DIP2C: variants seen among roughly 807,000 people sequenced by gnomAD.
DIP2C encodes DIP2 acetate--CoA ligase C (putative).
In DIP2C, 33 loss-of-function variants were observed where a neutral mutation model predicts 192.4. The ratio of observed to expected loss-of-function variants is 0.17; its 90% CI spans 0.13 to 0.23. The LOEUF is 0.23. DIP2C is among the 10% of genes least tolerant of loss of function. DIP2C has a pLI of 1.00. For synonymous variants in DIP2C, 979 were observed against 864.1 expected (o/e 1.13, Z -2.33); for missense variants, 1,537 against 2,110.1 (o/e 0.73, Z 5.32).
intron 1 of DIP2C, among the ~76,000 whole-genome samples, chr10:589,525 CT>C (rs1358125459): frequency 1.3e-5 from 2 of 152,170 alleles, no homozygotes; most frequent in East Asian, 3.8e-4. Flanking sequence ...TGTTTTCACT[CT>C]TTTGCATATG....
Position 671,472 on chromosome 10 carries a change from C to A in DIP2C, c.85+18022G>T, listed in dbSNP as rs186216888. Among the ~76,000 whole-genome samples, 10 of 106,750 alleles carry A rather than the reference C, an allele frequency of 9.4e-5. 1 individual carries two copies. Among genetic ancestry groups the A allele is most frequent in the Non-Finnish European group, 1.5e-4 (8 of 53,934 alleles). 70.0% of individuals were successfully genotyped at this position (106,750 alleles called of 152,430 possible). On this transcript the variant is annotated intron_variant, in intron 1 of 36. Transcript: ENST00000280886. ...AGGAAACAGACCACAGGCGCACGGA[C>A]GGAGGAAACGCCACAGACGCACGGA... is the stretch of plus-strand genomic sequence containing the variant.
chr10:605,234 A>G lies in DIP2C; in HGVS notation c.85+84260T>C, dbSNP rs1852379324. On this transcript the variant is annotated intron_variant, in intron 1 of 36. Coordinates refer to ENST00000280886, the MANE Select transcript of DIP2C (RefSeq NM_014974.3). The stretch of plus-strand genomic sequence containing the variant: ...ATGAAAGCAACGTGTTCCTTTTAAA[A>G]TGGGGAACGGGGGCAGCAGAACTGA... Among the ~76,000 whole-genome samples, 2 of 152,198 alleles carry G rather than the reference A, an allele frequency of 1.3e-5. 1 individual carries two copies. Among genetic ancestry groups the G allele is most frequent in the South Asian group, 4.1e-4 (2 of 4,828 alleles).
rs1200130665 is a variant in DIP2C at position 390,091 on chromosome 10, G to A, written c.1497C>T (p.Tyr499=). Residue 499 remains tyrosine (Y), a splice_region_variant and synonymous_variant, in exon 13 of 37, where the codon TAC becomes TAT. Transcript: ENST00000280886. The stretch of plus-strand genomic sequence containing the variant: ...GCACACTGCCATCCTTACACGTCTT[G>A]TACTGAAACGAGACAAAGCGTGAGG... ...DANNDTAYIE[Y]KTCKDGSVLG... The A allele has an allele frequency of 1.9e-6, 3 of 1,613,626 alleles. No homozygotes were observed. In the South Asian group the frequency reaches 3.3e-5, roughly 18 times the overall value.
chr10:671,917 G>T lies in DIP2C; in HGVS notation c.85+17577C>A, dbSNP rs186399709. ...CACGGACGGAGGAAAAGCCACAGAC[G>T]CACGGAAGGAGGAAACAGGCCACAG... On this transcript the variant is annotated intron_variant, in intron 1 of 36. Coordinates refer to ENST00000280886, the MANE Select transcript of DIP2C (RefSeq NM_014974.3). Among the ~76,000 whole-genome samples, 1,131 of 117,228 alleles carry T rather than the reference G, an allele frequency of 9.6e-3. 17 individuals carry two copies. The highest frequency in any genetic ancestry group is 0.037 in the African/African-American group (1,067 of 28,802). The allele number at this position is 117,228 out of a possible 152,430, so 76.9% of individuals were successfully genotyped here. A position where few individuals can be genotyped will look rare whatever the true frequency, so the allele number is the denominator to read the frequency against.
intron 17 of DIP2C, among the ~76,000 whole-genome samples, chr10:374,972 G>A (rs894067773): frequency 2.2e-4 from 33 of 152,324 alleles, no homozygotes; most frequent in Non-Finnish European, 8.8e-5. Context: ...TGAAGAATAT[G>A]GATTCCAGGA....
intron 1 of DIP2C, among the ~76,000 whole-genome samples, chr10:680,786 C>T (rs1238759392): frequency 6.6e-6 from 1 of 152,254 alleles, no homozygotes; most frequent in Non-Finnish European, 1.5e-5. Flanking sequence ...AAGTCAAGAA[C>T]TGCCGCTCTG....
rs1954521274 is a variant in DIP2C, at chr10:276,412, T to C, written c.*913A>G. On this transcript the variant is annotated 3_prime_UTR_variant, in exon 37 of 37. Coordinates refer to ENST00000280886, the MANE Select transcript of DIP2C (RefSeq NM_014974.3). ...CACCATGCAAGTGACAAGTTCTGCA[T>C]CTTAAACTTTAAAATCTCCTTTGTT... 1 of 152,648 alleles carries C rather than the reference T, an allele frequency of 6.6e-6. No individual in the cohort carries two copies. The highest frequency in any genetic ancestry group is 2.4e-5 in the African/African-American group (1 of 41,460). 9.5% of individuals were successfully genotyped at this position (152,648 alleles called of 1,614,324 possible). A position where few individuals can be genotyped will look rare whatever the true frequency, so the allele number is the denominator to read the frequency against.
In DIP2C at chr10:484,648, G is replaced by A. The variant is rs185508587; in HGVS notation, c.157+1811C>T. ...AGCTCTGGGCCTGTGGAGCGACCTG[G>A]CTCACTGGAGAATGGGACCCTCAGG... is the stretch of plus-strand genomic sequence containing the variant. On this transcript the variant is annotated intron_variant, in intron 2 of 36. Transcript: ENST00000280886. 101 of 1,279,894 alleles carry A rather than the reference G, an allele frequency of 7.9e-5. 1 individual carries two copies. The highest frequency in any genetic ancestry group is 6.2e-4 in the Admixed American group (23 of 36,816). The allele number at this position is 1,279,894 out of a possible 1,614,324, so 79.3% of individuals were successfully genotyped here.
At chr10:366,056 GCTTATT>G (rs963720968) in intron 19 of DIP2C, among the ~76,000 whole-genome samples, 1 of 152,208 alleles carries the variant, frequency 6.6e-6, no homozygotes, top group African/African-American at 2.4e-5. Context: ...TTTAAAGCAT[GCTTATT>G]CTTTTAAACA....
Position 580,137 on chromosome 10 carries a change from G to A in DIP2C, c.86-93607C>T, listed in dbSNP as rs559218254. 1.5e-4 allele frequency among the ~76,000 whole-genome samples: 23 copies of A among 152,240 alleles called. 1 individual carries two copies. In the South Asian group the frequency reaches 4.8e-3, roughly 32 times the overall value. On this transcript the variant is annotated intron_variant, in intron 1 of 36. Coordinates refer to ENST00000280886, the MANE Select transcript of DIP2C (RefSeq NM_014974.3). ...TATAACATCTATATACATGCATATA[G>A]TGTACACATATCCGATGTACAGTGC...
At chr10:299,214 C>T (rs1230116564) in intron 32 of DIP2C, among the ~76,000 whole-genome samples, 1 of 152,162 alleles carries the variant, frequency 6.6e-6, no homozygotes, top group Non-Finnish European at 1.5e-5. Context: ...TGTGGATTTC[C>T]TGAGAATAGG....
Position 364,594 on chromosome 10 carries a change from A to G in DIP2C, c.2269-12T>C, listed in dbSNP as rs374207812. ...GTCATGGGAAACACCTGGGGGAAACAGCATCCATCAGGCCACTGTTCATGT... is the reference window on the plus strand; with the variant it reads ...GTCATGGGAAACACCTGGGGGAAACGGCATCCATCAGGCCACTGTTCATGT... On this transcript the variant is annotated splice_polypyrimidine_tract_variant and intron_variant, in intron 19 of 36. Coordinates refer to ENST00000280886, the MANE Select transcript of DIP2C (RefSeq NM_014974.3). 1.7e-4 allele frequency: 268 copies of G among 1,611,770 alleles called. 1 individual carries two copies. Among genetic ancestry groups the G allele is most frequent in the Non-Finnish European group, 5.1e-5 (60 of 1,178,238 alleles).
At chr10:672,379 A>C (rs1830695770) in intron 1 of DIP2C, among the ~76,000 whole-genome samples, 1 of 152,234 alleles carries the variant, frequency 6.6e-6, no homozygotes, top group Non-Finnish European at 1.5e-5. Flanking sequence ...AACATCGGAC[A>C]GGAACGTCCC....
intron 1 of DIP2C, among the ~76,000 whole-genome samples, chr10:519,542 G>A (rs1846567085): frequency 6.6e-6 from 1 of 152,196 alleles, no homozygotes; most frequent in Admixed American, 6.5e-5. Flanking sequence ...ATCAGGACGT[G>A]CACAGGCCTG....
chr10:615,118 G>A (rs967512157), intron 1 of DIP2C, among the ~76,000 whole-genome samples: 8 of 152,202 alleles, frequency 5.3e-5, no homozygotes, highest in African/African-American at 1.4e-4. Context: ...AGCAATTCCC[G>A]TGATTCCCAC....
Position 387,746 on chromosome 10 carries a change from G to C in DIP2C, c.1661C>G (p.Thr554Arg), listed in dbSNP as rs1354512750. 1.9e-6 allele frequency: 3 copies of C among 1,614,068 alleles called. No homozygotes were observed. The highest frequency in any genetic ancestry group is 2.5e-6 in the Non-Finnish European group (3 of 1,180,040). The change falls in exon 14 of 37, where the codon ACA becomes AGA. Residue 554 changes from threonine to arginine, a missense_variant and splice_region_variant. This residue lies in a region of DIP2C where 677 missense variants were observed against 989.9 expected (regional missense o/e 0.68). Coordinates refer to ENST00000280886, the MANE Select transcript of DIP2C (RefSeq NM_014974.3). Reference protein sequence around the residue: ...KDVGLWHGILTSVMNMMHVIS... With the variant: ...KDVGLWHGILRSVMNMMHVIS... The stretch of plus-strand genomic sequence containing the variant: ...CACGGCCGGGGGGACCTCACTTACT[G>C]TCAGGATGCCATGCCAGAGCCCGAC...
chr10:635,556 A>G (rs1442690702), intron 1 of DIP2C, among the ~76,000 whole-genome samples: 1 of 152,244 alleles, frequency 6.6e-6, no homozygotes, highest in East Asian at 1.9e-4. Context: ...CTCCTCATCC[A>G]ACAGAAGCAG....
intron 2 of DIP2C, among the ~76,000 whole-genome samples, chr10:473,780 A>C (rs1037951350): frequency 2.0e-5 from 3 of 152,234 alleles, no homozygotes; most frequent in African/African-American, 7.2e-5. Context: ...CAGAAATAAA[A>C]GTTTTAAGTT....
intron 1 of DIP2C, among the ~76,000 whole-genome samples, chr10:607,145 T>TC (rs1852551602): frequency 6.6e-6 from 1 of 152,118 alleles, no homozygotes; most frequent in African/African-American, 2.4e-5. Context: ...GGCCCTGAAG[T>TC]CCGCTGAGAT....
Sources: allele counts gnomAD v4.1 joint callset (sites outside exome capture counted in the v4.1 genomes callset), GRCh38; gene constraint gnomAD v4.1.1; regional missense constraint gnomAD v4.1.1; transcripts MANE v1.5; gene names NCBI Gene and HGNC (gene_info 2026-07-23, HGNC 2026-07-21).